Variants in DPP10 observed in about 807,000 individuals in gnomAD.
The protein encoded by DPP10 is inactive dipeptidyl peptidase 10.
A neutral mutation model predicts 120.9 loss-of-function variants in DPP10; 33 were observed. The ratio of observed to expected loss-of-function variants is 0.27; its 90% CI spans 0.21 to 0.37. The LOEUF (loss-of-function observed/expected upper bound fraction) is 0.37, where lower values mean the gene tolerates loss of function less well. Ranked by LOEUF, DPP10 falls within the 10% of genes least tolerant of loss-of-function variation. DPP10 has a pLI of 1.00. For missense variants in DPP10, 816 were observed against 942.8 expected (o/e 0.87, Z 1.76); for synonymous variants, 337 against 326.1 (o/e 1.03, Z -0.36).
At chr2:115,090,882 G>A (rs1044980087) in intron 1 of DPP10, among the ~76,000 whole-genome samples, 12 of 152,138 alleles carry the variant, frequency 7.9e-5, no homozygotes, top group Non-Finnish European at 1.6e-4. Flanking sequence ...TCTCTGGTCA[G>A]GAAGGGGTTT....
At chr2:115,326,380 A>G (rs1037290440) in intron 2 of DPP10, among the ~76,000 whole-genome samples, 5 of 152,108 alleles carry the variant, frequency 3.3e-5, no homozygotes, top group Non-Finnish European at 7.4e-5. Flanking sequence ...CTGTAAAATT[A>G]TATCACATAG....
intron 1 of DPP10, among the ~76,000 whole-genome samples, chr2:114,797,790 T>C (rs972753971): frequency 6.6e-6 from 1 of 152,208 alleles, no homozygotes; most frequent in Non-Finnish European, 1.5e-5. Context: ...GGAGATGCGA[T>C]ATAATTCCTG....
chr2:115,033,697 CTT>C (rs10693499), intron 1 of DPP10, among the ~76,000 whole-genome samples: 97 of 137,934 alleles, frequency 7.0e-4, no homozygotes, highest in Admixed American at 1.1e-3. Flanking sequence ...ATCTTCCCTC[CTT>C]TTTTTTTTTT....
rs565107966 is a variant in DPP10, at chr2:114,456,102, C to T, written c.60+13264C>T. On this transcript the variant is annotated intron_variant, in intron 1 of 25. Coordinates refer to ENST00000410059, the MANE Select transcript of DPP10 (RefSeq NM_020868.6). ...TTTCAAAGTCTCACGTTTTCATGGTCATCACCCCGCTCAAGTCCTTATCAT... is the reference window on the plus strand; with the variant it reads ...TTTCAAAGTCTCACGTTTTCATGGTTATCACCCCGCTCAAGTCCTTATCAT... Among the ~76,000 whole-genome samples the T allele has an allele frequency of 3.3e-5, 5 of 152,270 alleles. No homozygotes were observed. The East Asian group carries it at 9.7e-4, about 29-fold the overall frequency.
intron 1 of DPP10, among the ~76,000 whole-genome samples, chr2:115,025,118 C>A (rs1182806123): frequency 6.6e-6 from 1 of 151,868 alleles, no homozygotes; most frequent in Non-Finnish European, 1.5e-5. Context: ...GATCTTTTAT[C>A]TAACTGTATA....
chr2:114,541,778 T>C (rs1686971808), intron 1 of DPP10, among the ~76,000 whole-genome samples: 1 of 152,176 alleles, frequency 6.6e-6, no homozygotes, highest in Non-Finnish European at 1.5e-5. Context: ...AAAACATGCT[T>C]ATGCCATATG....
chr2:115,506,847 G>T (rs17362881), intron 4 of DPP10, among the ~76,000 whole-genome samples: 8,332 of 152,102 alleles, frequency 0.055, 327 homozygotes, highest in Non-Finnish European at 0.081. Flanking sequence ...TGTGAGTGTG[G>T]TTTACATAGC....
Position 114,540,161 on chromosome 2 carries a change from C to T in DPP10, c.60+97323C>T, listed in dbSNP as rs2104797360. 3.9e-5 allele frequency among the ~76,000 whole-genome samples: 6 copies of T among 152,314 alleles called. No homozygotes were observed. The South Asian group carries it at 1.2e-3, about 32-fold the overall frequency. On this transcript the variant is annotated intron_variant, in intron 1 of 25. Coordinates refer to ENST00000410059, the MANE Select transcript of DPP10 (RefSeq NM_020868.6). ...GAGTGATATTTTCCAAATAAGGTATCAAATGCAAAGTGACAAAGGATTTTT... is the reference window on the plus strand; with the variant it reads ...GAGTGATATTTTCCAAATAAGGTATTAAATGCAAAGTGACAAAGGATTTTT...
intron 1 of DPP10, among the ~76,000 whole-genome samples, chr2:114,879,138 T>A (rs1487016024): frequency 1.3e-5 from 2 of 152,030 alleles, no homozygotes; most frequent in African/African-American, 4.8e-5. Flanking sequence ...TAAATTCTTT[T>A]TTTTTTTTCA....
At chr2:114,512,609 C>A (rs148606421) in intron 1 of DPP10, among the ~76,000 whole-genome samples, 81 of 152,316 alleles carry the variant, frequency 5.3e-4, no homozygotes, top group African/African-American at 1.8e-3. Context: ...GGAAATCTTT[C>A]CCTCTCCTGG....
At chr2:115,447,915 T>C (rs1351658229) in intron 3 of DPP10, among the ~76,000 whole-genome samples, 1 of 152,218 alleles carries the variant, frequency 6.6e-6, no homozygotes, top group African/African-American at 2.4e-5. Context: ...TGCAGTTTGA[T>C]ACCAAAAGGT....
intron 1 of DPP10, among the ~76,000 whole-genome samples, chr2:114,643,860 T>C (rs2105443371): frequency 6.6e-6 from 1 of 151,080 alleles, no homozygotes; most frequent in East Asian, 1.9e-4. Flanking sequence ...ACTTGATTAG[T>C]GTGTGTTTGT....
rs374989663 is a variant in DPP10, at chr2:115,191,734, T to A, written c.61-117505T>A. Among the ~76,000 whole-genome samples the A allele has an allele frequency of 1.6e-4, 25 of 152,240 alleles. 1 individual carries two copies. The highest frequency in any genetic ancestry group is 1.5e-3 in the South Asian group (7 of 4,820). On this transcript the variant is annotated intron_variant, in intron 1 of 25. Coordinates refer to ENST00000410059, the MANE Select transcript of DPP10 (RefSeq NM_020868.6). Reference sequence around the variant, plus strand: ...CGGTAGTTAGGAGCACTAGGTAAGATCCTTCCCAGGCCGGTTCGAGCTTTT... The same window carrying A: ...CGGTAGTTAGGAGCACTAGGTAAGAACCTTCCCAGGCCGGTTCGAGCTTTT...
chr2:114,497,533 C>G (rs542408139), intron 1 of DPP10, among the ~76,000 whole-genome samples: 1 of 150,690 alleles, frequency 6.6e-6, no homozygotes, highest in South Asian at 2.1e-4. Context: ...GAAAAAAAAC[C>G]AAAAACTAAC....
intron 1 of DPP10, among the ~76,000 whole-genome samples, chr2:115,297,821 G>T (rs2060956190): frequency 6.6e-6 from 1 of 152,038 alleles, no homozygotes; most frequent in African/African-American, 2.4e-5. Context: ...GCTTAAAGAT[G>T]ATGGTCTGCC....
intron 1 of DPP10, among the ~76,000 whole-genome samples, chr2:115,095,731 G>A (rs1223317088): frequency 6.6e-6 from 1 of 151,828 alleles, no homozygotes; most frequent in Admixed American, 6.6e-5. Context: ...AAATACACAT[G>A]AGCAATGGAA....
At chr2:115,297,336 G>C (rs1004458786) in intron 1 of DPP10, 1 of 327,662 alleles carries the variant, frequency 3.1e-6, no homozygotes, top group Admixed American at 3.6e-5. Context: ...GGCAGACCAG[G>C]CTGCCAAGTT....
At chr2:115,584,343 T>C (rs1415618027) in intron 5 of DPP10, among the ~76,000 whole-genome samples, 2 of 152,154 alleles carry the variant, frequency 1.3e-5, no homozygotes, top group African/African-American at 2.4e-5. Context: ...ATCCAGACTT[T>C]GGCTTGTTTT....
At chr2:115,746,288 T>C (rs1337383933) in intron 10 of DPP10, 105 bp downstream of exon 10, 21 of 1,026,964 alleles carry the variant, frequency 2.0e-5, no homozygotes, top group Non-Finnish European at 3.1e-5. Flanking sequence ...CAAATCCACT[T>C]GAAAATAAAG....
Sources: gnomAD v4.1 joint callset for allele counts (sites outside exome capture counted in the v4.1 genomes callset) on GRCh38, gnomAD v4.1.1 for gene constraint, MANE v1.5 for transcripts, NCBI Gene and HGNC (gene_info 2026-07-23, HGNC 2026-07-21) for gene names.